The following SV2C variants were observed in gnomAD, a reference collection of about 807,000 sequenced individuals.
SV2C encodes synaptic vesicle glycoprotein 2C.
A neutral mutation model predicts 79.7 loss-of-function variants in SV2C; 49 were observed. The observed-to-expected ratio is 0.61, with a 90% CI of 0.49 to 0.78. The LOEUF (loss-of-function observed/expected upper bound fraction) is 0.78. SV2C is among the 30% of genes least tolerant of loss of function. The pLI is 0.00. For missense variants in SV2C, 833 were observed against 912.9 expected (o/e 0.91, Z 1.13); for synonymous variants, 334 against 333.2 (o/e 1.00, Z -0.03).
At chr5:76,259,479 C>T (rs888782522) in intron 4 of SV2C, among the ~76,000 whole-genome samples, 2 of 152,062 alleles carry the variant, frequency 1.3e-5, no homozygotes, top group Admixed American at 1.3e-4. Context: ...ATGTGTTGAA[C>T]ATGCAGGTTT....
chr5:76,023,143 A>G, the SV2C span, among the ~76,000 whole-genome samples: 15 of 152,186 alleles, frequency 9.9e-5, no homozygotes, highest in Admixed American at 2.0e-4. Context: ...AATAGCTACT[A>G]AATCTGAGTT....
At chr5:75,974,100 T>G in the SV2C span, among the ~76,000 whole-genome samples, 1 of 152,022 alleles carries the variant, frequency 6.6e-6, no homozygotes, top group Non-Finnish European at 1.5e-5. Context: ...CTATTATTAT[T>G]ATTTATTTTA....
intron 4 of SV2C, among the ~76,000 whole-genome samples, chr5:76,233,028 G>T (rs1745478418): frequency 7.1e-6 from 1 of 141,224 alleles, no homozygotes; most frequent in Non-Finnish European, 1.5e-5. Context: ...ATTACCTTGG[G>T]CAGTATGGCC....
At chr5:75,918,469 G>A in the SV2C span, among the ~76,000 whole-genome samples, 1 of 152,220 alleles carries the variant, frequency 6.6e-6, no homozygotes, top group Non-Finnish European at 1.5e-5. Context: ...CTTCGTGAAA[G>A]ATGTAGGCTC....
intron 1 of SV2C, among the ~76,000 whole-genome samples, chr5:76,099,370 G>A (rs1288298365): frequency 1.0e-5 from 1 of 98,350 alleles, no homozygotes; most frequent in Non-Finnish European, 2.2e-5. Context: ...TTGCTCGTGT[G>A]TGTGTGTGTG....
chr5:75,918,788 G>A, the SV2C span, among the ~76,000 whole-genome samples: 1 of 152,216 alleles, frequency 6.6e-6, no homozygotes, highest in Non-Finnish European at 1.5e-5. Flanking sequence ...GGGAAGAAGA[G>A]TTACACCACA....
chr5:75,870,944 A>C, the SV2C span, among the ~76,000 whole-genome samples: 1 of 152,240 alleles, frequency 6.6e-6, no homozygotes, highest in African/African-American at 2.4e-5. Context: ...TGATGGAAGC[A>C]ACAAAAGAAA....
At chr5:76,003,397 G>T in the SV2C span, among the ~76,000 whole-genome samples, 1 of 152,130 alleles carries the variant, frequency 6.6e-6, no homozygotes, top group South Asian at 2.1e-4. Flanking sequence ...ATATGGGCTG[G>T]GTGATATGAG....
chr5:76,316,960 CTTA>C (rs921580442), intron 12 of SV2C, among the ~76,000 whole-genome samples: 1 of 152,046 alleles, frequency 6.6e-6, no homozygotes, highest in African/African-American at 2.4e-5. Context: ...GAGGTTTCAT[CTTA>C]TTAATTTTGG....
At chr5:76,347,447 T>A (rs2112589568) in intron 12 of SV2C, among the ~76,000 whole-genome samples, 1 of 105,250 alleles carries the variant, frequency 9.5e-6, no homozygotes, top group Admixed American at 8.4e-5. Flanking sequence ...ATGTTTTGTT[T>A]TTTTGTTGTT....
chr5:76,135,838 G>A (rs557827553), intron 2 of SV2C, among the ~76,000 whole-genome samples: 1 of 152,230 alleles, frequency 6.6e-6, no homozygotes, highest in South Asian at 2.1e-4. Context: ...GGGCAGGTAT[G>A]GTTCTAAGAT....
the SV2C span, among the ~76,000 whole-genome samples, chr5:75,982,818 A>C: frequency 6.6e-6 from 1 of 152,208 alleles, no homozygotes; most frequent in South Asian, 2.1e-4. Context: ...TTGCAGGGAC[A>C]TGGATGGTGC....
intron 4 of SV2C, among the ~76,000 whole-genome samples, chr5:76,245,531 C>T (rs1407517629): frequency 1.3e-5 from 2 of 152,122 alleles, no homozygotes; most frequent in African/African-American, 4.8e-5. Context: ...AAGCTCAATA[C>T]TTTTTTTATA....
At chr5:75,988,773 AATT>A in the SV2C span, among the ~76,000 whole-genome samples, 3 of 151,930 alleles carry the variant, frequency 2.0e-5, no homozygotes, top group African/African-American at 7.2e-5. Flanking sequence ...AGCTGAAGGC[AATT>A]AAGAAGCAGC....
chr5:76,342,467 G>A (rs1749461062), intron 12 of SV2C, among the ~76,000 whole-genome samples: 1 of 152,240 alleles, frequency 6.6e-6, no homozygotes, highest in African/African-American at 2.4e-5. Context: ...AATTTACGAG[G>A]ATGAATGCAA....
intron 4 of SV2C, among the ~76,000 whole-genome samples, chr5:76,280,050 T>C (rs1024467526): frequency 1.3e-5 from 2 of 152,180 alleles, no homozygotes; most frequent in Non-Finnish European, 2.9e-5. Context: ...TATGTAGTTC[T>C]CTCTGTGTTT....
chr5:76,256,793 G>A (rs1265270184), intron 4 of SV2C, among the ~76,000 whole-genome samples: 1 of 152,110 alleles, frequency 6.6e-6, no homozygotes, highest in African/African-American at 2.4e-5. Flanking sequence ...TCCTTATACA[G>A]ACCTTCATAA....
chr5:76,052,361 T>C, the SV2C span, among the ~76,000 whole-genome samples: 1 of 152,196 alleles, frequency 6.6e-6, no homozygotes, highest in Non-Finnish European at 1.5e-5. Context: ...TCTCATTTGT[T>C]AGGTGAATTG....
the SV2C span, among the ~76,000 whole-genome samples, chr5:76,003,054 C>T: frequency 4.6e-5 from 7 of 152,072 alleles, no homozygotes; most frequent in Non-Finnish European, 7.4e-5. Flanking sequence ...TGAGTGAGTT[C>T]GCACAAGATC....
Sources: gnomAD v4.1 joint callset for allele counts (sites outside exome capture counted in the v4.1 genomes callset) on GRCh38, gnomAD v4.1.1 for gene constraint, MANE v1.5 for transcripts, NCBI Gene and HGNC (gene_info 2026-07-23, HGNC 2026-07-21) for gene names.